Variants in SLC16A10 observed in about 807,000 individuals in gnomAD.
SLC16A10 encodes monocarboxylate transporter 10.
In SLC16A10, 27 loss-of-function variants were observed where a neutral mutation model predicts 40.0. The ratio of observed to expected loss-of-function variants is 0.67; its 90% CI spans 0.50 to 0.93. SLC16A10 has a LOEUF of 0.93. Among genes scored for constraint, SLC16A10 ranks in the 40% least tolerant of loss-of-function variants. The pLI is 0.00. For missense variants in SLC16A10, 529 were observed against 658.2 expected (o/e 0.80, Z 2.15); for synonymous variants, 213 against 249.8 (o/e 0.85, Z 1.39).
chr6:111,144,682 TA>T (rs1377491628), intron 1 of SLC16A10, among the ~76,000 whole-genome samples: 1 of 152,250 alleles, frequency 6.6e-6, no homozygotes, highest in African/African-American at 2.4e-5. Context: ...TGAGGTATGA[TA>T]AAACTTTTGG....
chr6:111,113,155 A>G (rs1302056626), intron 1 of SLC16A10, among the ~76,000 whole-genome samples: 2 of 152,240 alleles, frequency 1.3e-5, no homozygotes, highest in Admixed American at 6.5e-5. Flanking sequence ...TAGTTCTGTA[A>G]TACTTTAATA....
chr6:111,202,672 A>G lies in SLC16A10; in HGVS notation c.943-3920A>G, dbSNP rs542358628. ...GGGAGGCTGAGGCAAGTGGATCATG[A>G]GGTCAGGAGTTCGAGACCAGCCTGA... On this transcript the variant is annotated intron_variant, in intron 3 of 5. Coordinates refer to ENST00000368851, the MANE Select transcript of SLC16A10 (RefSeq NM_018593.5). 2.0e-4 allele frequency among the ~76,000 whole-genome samples: 30 copies of G among 152,152 alleles called. No homozygotes were observed. The South Asian group carries it at 2.9e-3, about 15-fold the overall frequency.
chr6:111,202,087 A>G (rs1300392855), intron 3 of SLC16A10, among the ~76,000 whole-genome samples: 1 of 152,168 alleles, frequency 6.6e-6, no homozygotes, highest in East Asian at 1.9e-4. Flanking sequence ...TGAGATGATC[A>G]CTTTCTTAGG....
intron 3 of SLC16A10, among the ~76,000 whole-genome samples, chr6:111,181,654 A>G (rs1211767841): frequency 1.3e-5 from 2 of 152,214 alleles, no homozygotes; most frequent in East Asian, 3.8e-4. Context: ...TGCTATGTTA[A>G]AAATTCTAAG....
chr6:111,151,778 A>G (rs1772176852), intron 1 of SLC16A10, among the ~76,000 whole-genome samples: 1 of 152,146 alleles, frequency 6.6e-6, no homozygotes, highest in Non-Finnish European at 1.5e-5. Flanking sequence ...TTCCCTTTAC[A>G]TGGAATGTTC....
chr6:111,113,965 T>C (rs899260730), intron 1 of SLC16A10, among the ~76,000 whole-genome samples: 1 of 152,202 alleles, frequency 6.6e-6, no homozygotes, highest in South Asian at 2.1e-4. Context: ...AGCACAGATT[T>C]CCAGGAACAG....
intron 1 of SLC16A10, among the ~76,000 whole-genome samples, chr6:111,098,338 G>T (rs891646627): frequency 1.3e-5 from 2 of 152,008 alleles, no homozygotes; most frequent in African/African-American, 4.8e-5. Flanking sequence ...TGGAAGGATC[G>T]CTTGAGTCCA....
At chr6:111,105,197 C>T (rs1297233716) in intron 1 of SLC16A10, among the ~76,000 whole-genome samples, 1 of 152,086 alleles carries the variant, frequency 6.6e-6, no homozygotes, top group Non-Finnish European at 1.5e-5. Context: ...GTCATTTCAA[C>T]TAATTTATGT....
chr6:111,219,126 A>T, intron 5 of SLC16A10, 84 bp downstream of exon 5: 2 of 1,215,620 alleles, frequency 1.6e-6, no homozygotes, highest in South Asian at 1.4e-5. Flanking sequence ...TTATATGTAA[A>T]ACATATTACA....
chr6:111,160,901 G>A (rs575266987), intron 1 of SLC16A10, among the ~76,000 whole-genome samples: 128 of 152,024 alleles, frequency 8.4e-4, no homozygotes, highest in Middle Eastern at 3.2e-3. Context: ...AAAGGTGGGC[G>A]CGATAGTGTA....
chr6:111,133,752 C>T (rs547006049), intron 1 of SLC16A10, among the ~76,000 whole-genome samples: 6 of 152,260 alleles, frequency 3.9e-5, no homozygotes, highest in African/African-American at 1.4e-4. Context: ...ACCCCCCTTT[C>T]AACCCAAACA....
At chr6:111,219,762 T>C (rs1348424053) in intron 5 of SLC16A10, among the ~76,000 whole-genome samples, 8 of 152,120 alleles carry the variant, frequency 5.3e-5, no homozygotes, top group Admixed American at 4.6e-4. Flanking sequence ...AAGAACATTA[T>C]GCTAAGTGAA....
chr6:111,172,758 CAGACCTATT>C lies in SLC16A10; in HGVS notation c.408_416del (p.Asp137_Phe139del), dbSNP rs1367850327. ...TGCTGCCCAATAGTCAGCGTCTTCA[CAGACCTATT>C]TGGTTGTCGGAAAACAGCTGTCGTG... On this transcript the variant is annotated inframe_deletion, in exon 2 of 6. Transcript: ENST00000368851. 6.2e-7 allele frequency: 1 copy of C among 1,614,168 alleles called. No individual in the cohort carries two copies. Among genetic ancestry groups the C allele is most frequent in the East Asian group, 2.2e-5 (1 of 44,886 alleles).
At chr6:111,126,672 A>G (rs1583316564) in intron 1 of SLC16A10, among the ~76,000 whole-genome samples, 1 of 152,202 alleles carries the variant, frequency 6.6e-6, no homozygotes, top group Non-Finnish European at 1.5e-5. Flanking sequence ...TTTCCTTACT[A>G]TAAGCCTGTC....
chr6:111,210,703 A>G (rs1193353654), intron 4 of SLC16A10, among the ~76,000 whole-genome samples: 1 of 152,206 alleles, frequency 6.6e-6, no homozygotes, highest in Non-Finnish European at 1.5e-5. Flanking sequence ...CAGATTAGAC[A>G]GAGCCTTGAA....
intron 1 of SLC16A10, among the ~76,000 whole-genome samples, chr6:111,154,733 C>A (rs964063917): frequency 1.2e-4 from 19 of 152,112 alleles, no homozygotes; most frequent in African/African-American, 4.3e-4. Flanking sequence ...TGGCTCACAC[C>A]TATAATCCCA....
At chr6:111,127,701 T>C (rs6921447) in intron 1 of SLC16A10, among the ~76,000 whole-genome samples, 148,656 of 152,314 alleles carry the variant, frequency 0.98, 72,546 homozygotes, top group East Asian at 1. Context: ...ATCACGTATT[T>C]TTGCAGCAGT....
At chr6:111,182,470 A>G (rs1464752840) in intron 3 of SLC16A10, among the ~76,000 whole-genome samples, 1 of 150,206 alleles carries the variant, frequency 6.7e-6, no homozygotes, top group Admixed American at 6.7e-5. Flanking sequence ...CCTGAATATC[A>G]GCATGTCCTA....
chr6:111,176,513 C>T (rs1772687031), intron 2 of SLC16A10, among the ~76,000 whole-genome samples: 1 of 152,202 alleles, frequency 6.6e-6, no homozygotes, highest in Non-Finnish European at 1.5e-5. Context: ...GGCCTTACAG[C>T]TTACAAACTG....
Sources: allele counts gnomAD v4.1 joint callset (sites outside exome capture counted in the v4.1 genomes callset), GRCh38; gene constraint gnomAD v4.1.1; transcripts MANE v1.5; gene names NCBI Gene and HGNC (gene_info 2026-07-23, HGNC 2026-07-21).